The following TRMT9B variants were observed in gnomAD, a reference collection of about 807,000 sequenced individuals.
The protein encoded by TRMT9B is tRNA methyltransferase 9B (putative), also known as probable tRNA methyltransferase 9B.
Under a neutral mutation model 11.5 loss-of-function variants are expected in TRMT9B, and 16 were observed. The ratio of observed to expected loss-of-function variants is 1.39; its 90% confidence interval spans 0.94 to 2.11. The LOEUF is 2.11. TRMT9B is among the 30% of genes most tolerant of loss of function. TRMT9B has a pLI of 0.00. For missense variants in TRMT9B, 941 were observed against 553.8 expected (o/e 1.70, Z -7.02); for synonymous variants, 274 against 192.4 (o/e 1.42, Z -3.51).
intron 1 of TRMT9B, among the ~76,000 whole-genome samples, chr8:12,984,174 A>G (rs954782665): frequency 2.0e-5 from 3 of 152,214 alleles, no homozygotes; most frequent in Non-Finnish European, 4.4e-5. Context: ...GGCTATGTAT[A>G]TAAGGTATTA....
At chr8:12,971,799 A>C (rs1332675765) in intron 1 of TRMT9B, among the ~76,000 whole-genome samples, 3 of 152,366 alleles carry the variant, frequency 2.0e-5, no homozygotes, top group Non-Finnish European at 4.4e-5. Context: ...TATTTTCATG[A>C]CCAAAATTGC....
At position 13,028,246 on chromosome 8, in the gene TRMT9B, T is replaced by C. The variant is rs1814935947; in HGVS notation, c.*6202T>C. ...CTTTATTTGGGAGGGATTGGAGCTA[T>C]AGAATAATCTATCTTACCAATCTGA... On this transcript the variant is annotated 3_prime_UTR_variant, in exon 5 of 5. Coordinates refer to ENST00000524591, the MANE Select transcript of TRMT9B (RefSeq NM_020844.3). 6.0e-6 allele frequency: 1 copy of C among 167,100 alleles called. No individual in the cohort carries two copies. The highest frequency in any genetic ancestry group is 1.9e-4 in the East Asian group (1 of 5,204). 10.4% of individuals were successfully genotyped at this position (167,100 alleles called of 1,614,324 possible). A position where few individuals can be genotyped will look rare whatever the true frequency, so the allele number is the denominator to read the frequency against.
chr8:13,011,335 A>G lies in TRMT9B; in HGVS notation c.155-1349A>G, dbSNP rs1003232182. 14 of 985,182 alleles carry G rather than the reference A, an allele frequency of 1.4e-5. No homozygotes were observed. The African/African-American group carries it at 2.4e-4, about 17-fold the overall frequency. The allele number at this position is 985,182 out of a possible 1,614,324, so 61.0% of individuals were successfully genotyped here. ...ATTCTCCACTGTCTCAGCTGGCATT[A>G]ATGAATCTTAAGTTTGCTTTTACTG... On this transcript the variant is annotated intron_variant, in intron 3 of 4. Coordinates refer to ENST00000524591, the MANE Select transcript of TRMT9B (RefSeq NM_020844.3).
chr8:13,002,365 A>T (rs529070212), intron 2 of TRMT9B, among the ~76,000 whole-genome samples: 1 of 152,346 alleles, frequency 6.6e-6, no homozygotes, highest in African/African-American at 2.4e-5. Flanking sequence ...ACGTAAATAG[A>T]CTAAAATCTA....
intron 4 of TRMT9B, among the ~76,000 whole-genome samples, chr8:13,020,552 G>A (rs1813636167): frequency 6.6e-6 from 1 of 152,106 alleles, no homozygotes; most frequent in South Asian, 2.1e-4. Context: ...GTACTTCTCA[G>A]CTATTACTTT....
At position 13,010,572 on chromosome 8, in the gene TRMT9B, C is replaced by A. The variant is rs1037417123; in HGVS notation, c.155-2112C>A. On this transcript the variant is annotated intron_variant, in intron 3 of 4. Transcript: ENST00000524591. ...CCATTAGAAATGAATAGGGGCAAAT[C>A]AAGAGTTCTAGGGCACTGGAAGCAT... is the stretch of plus-strand genomic sequence containing the variant. 8 of 985,072 alleles carry A rather than the reference C, an allele frequency of 8.1e-6. No individual in the cohort carries two copies. In the Admixed American group the frequency reaches 3.1e-4, roughly 38 times the overall value. 61.0% of individuals were successfully genotyped at this position (985,072 alleles called of 1,614,324 possible). A position where few individuals can be genotyped will look rare whatever the true frequency, so the allele number is the denominator to read the frequency against.
chr8:12,996,301 AC>A (rs1808326568), intron 2 of TRMT9B, among the ~76,000 whole-genome samples: 1 of 152,170 alleles, frequency 6.6e-6, no homozygotes, highest in Non-Finnish European at 1.5e-5. Flanking sequence ...CTCTCATCAT[AC>A]TGATGAGTCA....
intron 3 of TRMT9B, chr8:13,010,939 A>C: frequency 1.1e-6 from 1 of 910,356 alleles, no homozygotes; most frequent in Non-Finnish European, 1.3e-6. Flanking sequence ...ATATCATAGA[A>C]ATAATATGGT....
intron 4 of TRMT9B, among the ~76,000 whole-genome samples, chr8:13,015,686 T>C (rs1013582559): frequency 6.6e-6 from 1 of 152,028 alleles, no homozygotes; most frequent in Non-Finnish European, 1.5e-5. Flanking sequence ...GCCACCTATA[T>C]CCAGACCATT....
intron 1 of TRMT9B, chr8:12,952,163 A>G (rs991162826): frequency 6.6e-6 from 3 of 454,470 alleles, no homozygotes; most frequent in African/African-American, 6.0e-5. Flanking sequence ...TCGCAACGGG[A>G]GAGCTGCTGC....
At chr8:12,991,804 G>A (rs573591637) in intron 2 of TRMT9B, among the ~76,000 whole-genome samples, 3 of 152,110 alleles carry the variant, frequency 2.0e-5, no homozygotes, top group East Asian at 1.9e-4. Context: ...GGTGGTGGGC[G>A]CCTGTAATCC....
chr8:13,014,003 T>G (rs950448795), intron 4 of TRMT9B, among the ~76,000 whole-genome samples: 3 of 152,154 alleles, frequency 2.0e-5, no homozygotes, highest in Non-Finnish European at 4.4e-5. Context: ...CCAAGAAAGA[T>G]GATCTTTTAT....
At chr8:12,951,183 G>C (rs998264003) in intron 1 of TRMT9B, 3 of 152,082 alleles carry the variant, frequency 2.0e-5, no homozygotes, top group African/African-American at 7.2e-5. Context: ...GATGGGGCTC[G>C]TTTTGCAAAA....
intron 4 of TRMT9B, among the ~76,000 whole-genome samples, chr8:13,016,974 C>G (rs1276146380): frequency 1.3e-5 from 2 of 151,076 alleles, no homozygotes; most frequent in East Asian, 1.9e-4. Context: ...AAAATAGAAA[C>G]TTGGCCGGGC....
Position 13,010,321 on chromosome 8 carries a change from T to A in TRMT9B, c.155-2363T>A, listed in dbSNP as rs968622843. 3.1e-6 allele frequency: 3 copies of A among 961,106 alleles called. No individual in the cohort carries two copies. In the African/African-American group the frequency reaches 5.3e-5, roughly 17 times the overall value. 59.5% of individuals were successfully genotyped at this position (961,106 alleles called of 1,614,324 possible). ...TTGCAAAATGAAAGATGCATTTTAA[T>A]GAAATTGAAGTTAAAGAAGAAAGAA... On this transcript the variant is annotated intron_variant, in intron 3 of 4. Coordinates refer to ENST00000524591, the MANE Select transcript of TRMT9B (RefSeq NM_020844.3).
intron 1 of TRMT9B, chr8:12,952,069 G>T (rs1285264702): frequency 2.8e-6 from 1 of 362,682 alleles, no homozygotes; most frequent in African/African-American, 2.2e-5. Context: ...ATAGGTCAAG[G>T]GGTGGAAGTT....
intron 4 of TRMT9B, among the ~76,000 whole-genome samples, chr8:13,014,958 G>C (rs1159587521): frequency 6.6e-6 from 1 of 151,984 alleles, no homozygotes; most frequent in Non-Finnish European, 1.5e-5. Flanking sequence ...TACTTGGGAA[G>C]CTGAGGCAGG....
At chr8:12,952,335 C>T (rs1390371068) in intron 1 of TRMT9B, 2 of 328,838 alleles carry the variant, frequency 6.1e-6, no homozygotes, top group Non-Finnish European at 1.3e-5. Context: ...GCCCCGGAGC[C>T]CGCGCCCGGG....
intron 4 of TRMT9B, among the ~76,000 whole-genome samples, chr8:13,016,827 T>G (rs1326502484): frequency 1.3e-5 from 2 of 149,282 alleles, no homozygotes; most frequent in Non-Finnish European, 3.0e-5. Context: ...TATGTTTATG[T>G]ATGTACGTGT....
Sources: allele counts gnomAD v4.1 joint callset (sites outside exome capture counted in the v4.1 genomes callset), GRCh38; gene constraint gnomAD v4.1.1; transcripts MANE v1.5; gene names NCBI Gene and HGNC (gene_info 2026-07-23, HGNC 2026-07-21).